The following RNF13 variants were observed in gnomAD, a reference collection of about 807,000 sequenced individuals.
RNF13 encodes ring finger protein 13.
RNF13 carries 19 observed loss-of-function variants against 37.7 expected under a neutral mutation model. The ratio of observed to expected loss-of-function variants is 0.50; its 90% CI spans 0.35 to 0.74. RNF13 has a LOEUF of 0.74. RNF13 is among the 30% of genes least tolerant of loss of function. The probability of loss-of-function intolerance (pLI) is 0.01; values close to 1 mark genes in which losing one functional copy is unlikely to be tolerated. For synonymous variants in RNF13, 144 were observed against 157.8 expected, an observed-to-expected ratio of 0.91 and a Z score of 0.65; for missense variants, 375 against 453.0, an observed-to-expected ratio of 0.83 and a Z score of 1.56.
chr3:149,881,745 T>C (rs993810711), intron 4 of RNF13, among the ~76,000 whole-genome samples: 2 of 152,200 alleles, frequency 1.3e-5, no homozygotes, highest in Admixed American at 6.5e-5. Context: ...TTACTAGCCC[T>C]ACCAAAAATG....
At chr3:149,859,247 A>T (rs989114253) in intron 3 of RNF13, among the ~76,000 whole-genome samples, 8 of 152,222 alleles carry the variant, frequency 5.3e-5, no homozygotes, top group Non-Finnish European at 1.0e-4. Flanking sequence ...GAGTCAAACC[A>T]TCTGGTTATA....
At chr3:149,938,793 A>T (rs1719963707) in intron 8 of RNF13, among the ~76,000 whole-genome samples, 1 of 152,158 alleles carries the variant, frequency 6.6e-6, no homozygotes, top group African/African-American at 2.4e-5. Context: ...CTTAAAACCA[A>T]GCAAAGGGTG....
chr3:149,884,579 G>A (rs975847548), intron 4 of RNF13, among the ~76,000 whole-genome samples: 1 of 151,806 alleles, frequency 6.6e-6, no homozygotes, highest in Non-Finnish European at 1.5e-5. Flanking sequence ...GACCTAAAGG[G>A]AACCCATCTA....
chr3:149,925,855 T>C (rs369633266), intron 8 of RNF13, among the ~76,000 whole-genome samples: 8 of 152,328 alleles, frequency 5.3e-5, no homozygotes, highest in African/African-American at 1.9e-4. Context: ...GTTCCTGTTG[T>C]TCTATGTATT....
intron 1 of RNF13, among the ~76,000 whole-genome samples, chr3:149,821,270 C>T (rs985122732): frequency 1.3e-5 from 2 of 152,202 alleles, no homozygotes; most frequent in Non-Finnish European, 2.9e-5. Context: ...AACCATTTTA[C>T]ATTCCCACTG....
chr3:149,831,328 T>G (rs1721025067), intron 1 of RNF13, among the ~76,000 whole-genome samples: 1 of 152,192 alleles, frequency 6.6e-6, no homozygotes, highest in African/African-American at 2.4e-5. Context: ...GGAAGGGAGC[T>G]GTACCCTGCA....
chr3:149,847,032 T>C (rs989821445), intron 2 of RNF13, among the ~76,000 whole-genome samples: 3 of 152,182 alleles, frequency 2.0e-5, no homozygotes, highest in African/African-American at 7.2e-5. Flanking sequence ...GTCTCCAGCT[T>C]AAGATAAGGC....
chr3:149,955,248 T>C (rs1012464946), intron 8 of RNF13, among the ~76,000 whole-genome samples: 1 of 151,856 alleles, frequency 6.6e-6, no homozygotes, highest in Non-Finnish European at 1.5e-5. Context: ...AATGGAGTAA[T>C]AGTTAATTTT....
At chr3:149,871,740 C>A (rs73870462) in intron 3 of RNF13, among the ~76,000 whole-genome samples, 4,538 of 151,972 alleles carry the variant, frequency 0.03, 80 homozygotes, top group South Asian at 0.036. Context: ...AAATATTGTT[C>A]GAAAATATAC....
chr3:149,829,418 T>G (rs1011755594), intron 1 of RNF13, among the ~76,000 whole-genome samples: 36 of 152,216 alleles, frequency 2.4e-4, no homozygotes, highest in Admixed American at 5.2e-4. Flanking sequence ...CTGTTTTTTC[T>G]TAATCTATTA....
In RNF13 at chr3:149,889,292, CGT is replaced by C. The variant is rs376618726; in HGVS notation, c.322-6148_322-6147del. On this transcript the variant is annotated intron_variant, in intron 4 of 9. Transcript: ENST00000392894. ...TGCTGAAAATCTGAATTTGAGTGTG[CGT>C]GTGTGTGTGTGTGTGTGTGTGTGTG... Among the ~76,000 whole-genome samples, 1,341 of 138,198 alleles carry C rather than the reference CGT, an allele frequency of 9.7e-3. 6 individuals carry two copies. Among genetic ancestry groups the C allele is most frequent in the African/African-American group, 0.022 (786 of 36,076 alleles). 90.7% of individuals were successfully genotyped at this position (138,198 alleles called of 152,430 possible).
chr3:149,838,618 G>A (rs1472300355), intron 1 of RNF13, among the ~76,000 whole-genome samples: 2 of 151,920 alleles, frequency 1.3e-5, no homozygotes, highest in East Asian at 1.9e-4. Flanking sequence ...GGGATGCAGG[G>A]CACCAAGTCC....
intron 3 of RNF13, among the ~76,000 whole-genome samples, chr3:149,854,096 A>G (rs1183082184): frequency 6.6e-6 from 1 of 152,070 alleles, no homozygotes; most frequent in Non-Finnish European, 1.5e-5. Flanking sequence ...TTAGCCTCCC[A>G]AAGTACTGGT....
intron 1 of RNF13, among the ~76,000 whole-genome samples, chr3:149,820,860 A>G (rs1719935266): frequency 6.6e-6 from 1 of 152,154 alleles, no homozygotes; most frequent in Admixed American, 6.5e-5. Context: ...TTATGGATTT[A>G]CTTATTCTGG....
intron 2 of RNF13, 41 bp from the exon 3 acceptor site, chr3:149,852,475 T>A (rs1366059504): frequency 6.8e-6 from 6 of 877,994 alleles, no homozygotes; most frequent in Non-Finnish European, 1.1e-5. Flanking sequence ...ATGTTATATA[T>A]AAATTGGTCT....
intron 8 of RNF13, among the ~76,000 whole-genome samples, chr3:149,947,168 T>C (rs1038746322): frequency 2.3e-4 from 35 of 152,224 alleles, no homozygotes; most frequent in Non-Finnish European, 3.8e-4. Context: ...TAAGGCTTTT[T>C]TCGTGGTCTA....
chr3:149,904,138 A>G (rs190413245), intron 6 of RNF13, among the ~76,000 whole-genome samples: 1 of 152,298 alleles, frequency 6.6e-6, no homozygotes, highest in Admixed American at 6.5e-5. Flanking sequence ...ATGAGTGTAT[A>G]CTGTTGCTTC....
rs569180023 is a variant in RNF13 at position 149,846,908 on chromosome 3, A to G, written c.114+768A>G. On this transcript the variant is annotated intron_variant, in intron 2 of 9. Coordinates refer to ENST00000392894, the MANE Select transcript of RNF13 (RefSeq NM_183381.3). ...ATCAGAAGAGAAGCACAGTGGTCCTATCTTTGATGGTGGATAGAAAAGTTT... is the reference window on the plus strand; with the variant it reads ...ATCAGAAGAGAAGCACAGTGGTCCTGTCTTTGATGGTGGATAGAAAAGTTT... 5.3e-5 allele frequency among the ~76,000 whole-genome samples: 8 copies of G among 152,346 alleles called. No homozygotes were observed. In the South Asian group the frequency reaches 6.2e-4, roughly 12 times the overall value.
intron 8 of RNF13, among the ~76,000 whole-genome samples, chr3:149,944,015 A>T (rs1223208831): frequency 6.6e-6 from 1 of 151,310 alleles, no homozygotes; most frequent in Non-Finnish European, 1.5e-5. Context: ...CCTACGTCCC[A>T]GTGTTCTCAT....
Sources: gnomAD v4.1 joint callset for allele counts (sites outside exome capture counted in the v4.1 genomes callset) on GRCh38, gnomAD v4.1.1 for gene constraint, MANE v1.5 for transcripts, NCBI Gene and HGNC (gene_info 2026-07-23, HGNC 2026-07-21) for gene names.